MTO1: variants seen among roughly 807,000 people sequenced by gnomAD.
The protein encoded by MTO1 is mitochondrial tRNA translation optimization 1.
Under a neutral mutation model 71.6 loss-of-function variants are expected in MTO1, and 46 were observed. That is an observed-to-expected ratio of 0.64 (90% CI 0.51 to 0.82). MTO1 has a LOEUF of 0.82. Among genes scored for constraint, MTO1 ranks in the 40% least tolerant of loss-of-function variants. MTO1 has a pLI of 0.00. For synonymous variants in MTO1, 297 were observed against 312.1 expected, an observed-to-expected ratio of 0.95 and a Z score of 0.51; for missense variants, 773 against 867.5, an observed-to-expected ratio of 0.89 and a Z score of 1.37.
At chr6:73,482,789 C>T (rs536782318) in intron 9 of MTO1, among the ~76,000 whole-genome samples, 169 bp downstream of exon 9, 10 of 92,146 alleles carry the variant, frequency 1.1e-4, no homozygotes, top group South Asian at 8.2e-4. Flanking sequence ...TTTTTTCTTT[C>T]TTTTTTTTTT....
chr6:73,480,489 C>G (rs1453555723), intron 6 of MTO1, 186 bp from the exon 7 acceptor site: 1 of 662,426 alleles, frequency 1.5e-6, no homozygotes, highest in Non-Finnish European at 2.6e-6. Context: ...AGGCTGGTCT[C>G]AAACTCCCGA....
intron 4 of MTO1, 123 bp downstream of exon 4, chr6:73,473,777 A>G (rs1459091006): frequency 1.4e-5 from 10 of 728,822 alleles, no homozygotes; most frequent in Non-Finnish European, 2.1e-5. Flanking sequence ...CTTATAGTGC[A>G]AAGAAATGAT....
intron 10 of MTO1, among the ~76,000 whole-genome samples, chr6:73,493,593 A>G (rs962817294): frequency 2.7e-5 from 4 of 149,562 alleles, no homozygotes; most frequent in Non-Finnish European, 3.0e-5. Flanking sequence ...GTTTCATCAC[A>G]TTGGCCAGGC....
At chr6:73,475,039 G>T (rs546666032) in intron 4 of MTO1, among the ~76,000 whole-genome samples, 4 of 152,120 alleles carry the variant, frequency 2.6e-5, no homozygotes, top group Non-Finnish European at 5.9e-5. Context: ...ACAGGCGTGA[G>T]CCACCGTGCC....
In MTO1 at chr6:73,497,983, A is replaced by G. The variant is rs1404430195; in HGVS notation, c.1917+87A>G. On this transcript the variant is annotated intron_variant, in intron 11 of 11. Coordinates refer to ENST00000498286, the MANE Select transcript of MTO1 (RefSeq NM_012123.4). ...TTAAACCTGGGGTTATAATGGCCAT[A>G]TAACTAATGTTTTATTTAGTAATAA... 9 of 1,162,304 alleles carry G rather than the reference A, an allele frequency of 7.7e-6. No homozygotes were observed. In the East Asian group the frequency reaches 2.3e-4, roughly 29 times the overall value. 72.0% of individuals were successfully genotyped at this position (1,162,304 alleles called of 1,614,324 possible).
rs576828987 is a variant in MTO1 at position 73,492,010 on chromosome 6, G to A, written c.1638-224G>A. 4 of 382,160 alleles carry A rather than the reference G, an allele frequency of 1.0e-5. No individual in the cohort carries two copies. The East Asian group carries it at 2.1e-4, about 20-fold the overall frequency. 23.7% of individuals were successfully genotyped at this position (382,160 alleles called of 1,614,324 possible). A position where few individuals can be genotyped will look rare whatever the true frequency, so the allele number is the denominator to read the frequency against. On this transcript the variant is annotated intron_variant, in intron 9 of 11. Transcript: ENST00000498286. ...CCAGCTACTAGGGAGTCTGAGGCAG[G>A]AGAATTGCTTGAACCCAGCAGGTGG...
At chr6:73,480,299 T>A in intron 6 of MTO1, 173 bp downstream of exon 6, 2 of 810,106 alleles carry the variant, frequency 2.5e-6, no homozygotes, top group South Asian at 2.9e-5. Context: ...TGAGACGGAG[T>A]TTTGCTCTTG....
At chr6:73,488,634 G>A (rs183962465) in intron 9 of MTO1, among the ~76,000 whole-genome samples, 1 of 152,046 alleles carries the variant, frequency 6.6e-6, no homozygotes, top group African/African-American at 2.4e-5. Flanking sequence ...TGTAGGCTGG[G>A]CATGGTAGCT....
At chr6:73,463,405 T>G (rs544622929) in intron 1 of MTO1, among the ~76,000 whole-genome samples, 8 of 152,236 alleles carry the variant, frequency 5.3e-5, no homozygotes, top group African/African-American at 1.9e-4. Flanking sequence ...TGGACAGTAC[T>G]TTTTTTGCTC....
intron 11 of MTO1, 51 bp downstream of exon 11, chr6:73,497,947 G>A (rs1298738201): frequency 1.3e-6 from 2 of 1,502,142 alleles, no homozygotes; most frequent in Non-Finnish European, 1.8e-6. Context: ...AAGATACAGT[G>A]CTTTAATTTT....
In MTO1 at chr6:73,480,517, G is replaced by A. The variant is rs140875616; in HGVS notation, c.1130-158G>A. Reference sequence around the variant, plus strand: ...ACTCCCGACCTCAGGTGATCCACCCGCCTTGGCCCCCCAAAGTGCTGAGAT... The same window carrying A: ...ACTCCCGACCTCAGGTGATCCACCCACCTTGGCCCCCCAAAGTGCTGAGAT... On this transcript the variant is annotated intron_variant, in intron 6 of 11. Coordinates refer to ENST00000498286, the MANE Select transcript of MTO1 (RefSeq NM_012123.4). 6.7e-4 allele frequency: 579 copies of A among 858,370 alleles called. 5 individuals are homozygous for A. The East Asian group carries it at 0.011, about 16-fold the overall frequency. 53.2% of individuals were successfully genotyped at this position (858,370 alleles called of 1,614,324 possible). A position where few individuals can be genotyped will look rare whatever the true frequency, so the allele number is the denominator to read the frequency against.
At chr6:73,480,573 A>G (rs1468448117) in intron 6 of MTO1, 102 bp from the exon 7 acceptor site, 2 of 1,439,534 alleles carry the variant, frequency 1.4e-6, no homozygotes, top group East Asian at 4.6e-5. Flanking sequence ...CCTGACCTAA[A>G]TAGTCTGTTT....
intron 4 of MTO1, among the ~76,000 whole-genome samples, chr6:73,477,930 A>G (rs1202981528): frequency 6.6e-6 from 1 of 152,104 alleles, no homozygotes; most frequent in Non-Finnish European, 1.5e-5. Context: ...TGAAGTGTAG[A>G]GGCCACTTTT....
chr6:73,482,677 A>G lies in MTO1; in HGVS notation c.1637+57A>G, dbSNP rs549696548. On this transcript the variant is annotated intron_variant, in intron 9 of 11. Coordinates refer to ENST00000498286, the MANE Select transcript of MTO1 (RefSeq NM_012123.4). ...TTTTATAGAAAAATAAGATCATAAG[A>G]TCATTTCATAGAGACATTACCTATG... The G allele has an allele frequency of 4.6e-5, 65 of 1,418,808 alleles. No homozygotes were observed. The African/African-American group carries it at 7.4e-4, about 16-fold the overall frequency. The allele number at this position is 1,418,808 out of a possible 1,614,324, so 87.9% of individuals were successfully genotyped here. A position where few individuals can be genotyped will look rare whatever the true frequency, so the allele number is the denominator to read the frequency against.
At chr6:73,499,730 C>T (rs1772102163) in intron 11 of MTO1, among the ~76,000 whole-genome samples, 1 of 152,056 alleles carries the variant, frequency 6.6e-6, no homozygotes, top group Non-Finnish European at 1.5e-5. Context: ...GAACTCCTTG[C>T]CCACAATTCT....
intron 11 of MTO1, among the ~76,000 whole-genome samples, chr6:73,498,938 G>A (rs566499732): frequency 2.6e-5 from 4 of 151,978 alleles, no homozygotes; most frequent in South Asian, 4.2e-4. Flanking sequence ...CATGTTGGCT[G>A]GGATGGTCTC....
intron 4 of MTO1, among the ~76,000 whole-genome samples, chr6:73,479,012 C>T (rs1771412756): frequency 6.6e-6 from 1 of 151,014 alleles, no homozygotes; most frequent in African/African-American, 2.4e-5. Flanking sequence ...CCTCAGCCTC[C>T]CGAGTAGCTG....
chr6:73,470,188 A>G (rs911118051), intron 3 of MTO1, among the ~76,000 whole-genome samples: 2 of 151,672 alleles, frequency 1.3e-5, no homozygotes, highest in African/African-American at 4.8e-5. Context: ...TATTTTATTT[A>G]TTTATTTATT....
rs1561942460 is a variant in MTO1, at chr6:73,473,507, G to T, written c.678G>T (p.Glu226Asp). The change falls in exon 4 of 12, where the codon GAG (glutamate) becomes GAT (aspartate). Residue 226 changes from glutamate (E) to aspartate (D), a missense_variant. Glu to Asp is a conservative substitution (Grantham distance 45). Transcript: ENST00000498286. ...CTATAGGATTGGCTCAGACACTGGA[G>T]AAGTTAGGGTTTGTGGTGGGAAGGT... The part of the protein sequence containing the change: ...QPSIGLAQTL[E>D]KLGFVVGRLK... 1 of 1,614,096 alleles carries T rather than the reference G, an allele frequency of 6.2e-7. No homozygotes were observed. The highest frequency in any genetic ancestry group is 8.5e-7 in the Non-Finnish European group (1 of 1,180,020).
Sources: allele counts gnomAD v4.1 joint callset (sites outside exome capture counted in the v4.1 genomes callset), GRCh38; gene constraint gnomAD v4.1.1; transcripts MANE v1.5; gene names NCBI Gene and HGNC (gene_info 2026-07-23, HGNC 2026-07-21).